The following SLC24A3 variants were observed in gnomAD, a reference collection of about 807,000 sequenced individuals.
SLC24A3 encodes solute carrier family 24 member 3, also known as sodium/potassium/calcium exchanger 3.
In SLC24A3, 28 loss-of-function variants were observed where a neutral mutation model predicts 75.8. The ratio of observed to expected loss-of-function variants is 0.37; its 90% CI spans 0.27 to 0.51. The LOEUF (loss-of-function observed/expected upper bound fraction) is 0.51. Ranked by LOEUF, SLC24A3 falls within the 20% of genes least tolerant of loss-of-function variation. The probability of loss-of-function intolerance (pLI) is 0.94; values close to 1 mark genes in which losing one functional copy is unlikely to be tolerated. For synonymous variants in SLC24A3, 372 were observed against 334.1 expected, an observed-to-expected ratio of 1.11 and a Z score of -1.24; for missense variants, 663 against 847.8, an observed-to-expected ratio of 0.78 and a Z score of 2.71.
intron 3 of SLC24A3, among the ~76,000 whole-genome samples, chr20:19,560,294 G>T (rs1267200423): frequency 6.6e-6 from 1 of 152,218 alleles, no homozygotes; most frequent in African/African-American, 2.4e-5. Context: ...TCCCAAGGAG[G>T]GTGGAGAAGA....
At chr20:19,546,579 T>G (rs6046170) in intron 3 of SLC24A3, among the ~76,000 whole-genome samples, 58,722 of 151,960 alleles carry the variant, frequency 0.39, 12,121 homozygotes, top group Admixed American at 0.49. Context: ...TGTTGACAAC[T>G]GGACAGCATA....
chr20:19,586,818 C>A (rs1376641903), intron 6 of SLC24A3, among the ~76,000 whole-genome samples: 1 of 152,226 alleles, frequency 6.6e-6, no homozygotes, highest in Non-Finnish European at 1.5e-5. Context: ...AAGGGGCTCC[C>A]AGTACATGGT....
intron 2 of SLC24A3, among the ~76,000 whole-genome samples, chr20:19,443,727 G>A (rs998639377): frequency 2.0e-5 from 3 of 152,156 alleles, no homozygotes; most frequent in East Asian, 1.9e-4. Context: ...AGTAGTGAGA[G>A]GAAACATCAT....
intron 2 of SLC24A3, among the ~76,000 whole-genome samples, chr20:19,475,426 A>G (rs1987946994): frequency 6.6e-6 from 1 of 152,162 alleles, no homozygotes; most frequent in Non-Finnish European, 1.5e-5. Flanking sequence ...ATGGATGGCT[A>G]TTGTAAATAC....
chr20:19,475,009 C>G (rs1287315845), intron 2 of SLC24A3, among the ~76,000 whole-genome samples: 1 of 152,120 alleles, frequency 6.6e-6, no homozygotes, highest in African/African-American at 2.4e-5. Context: ...TAACAGTTCA[C>G]AATAGAGGTG....
chr20:19,440,036 G>A (rs567384879), intron 2 of SLC24A3, among the ~76,000 whole-genome samples: 1 of 152,266 alleles, frequency 6.6e-6, no homozygotes, highest in South Asian at 2.1e-4. Context: ...TTCAAATATG[G>A]GAAACAAAAT....
intron 3 of SLC24A3, among the ~76,000 whole-genome samples, chr20:19,557,133 T>C (rs765544883): frequency 1.3e-5 from 2 of 152,170 alleles, no homozygotes; most frequent in Non-Finnish European, 2.9e-5. Context: ...TTACTCCTCC[T>C]GTCATCTTGG....
intron 3 of SLC24A3, among the ~76,000 whole-genome samples, chr20:19,571,425 T>A (rs1283010248): frequency 6.6e-6 from 1 of 152,054 alleles, no homozygotes; most frequent in Non-Finnish European, 1.5e-5. Context: ...AAGTGGATAT[T>A]GTGAAAAAGG....
chr20:19,685,625 G>A (rs1055009738), intron 12 of SLC24A3, among the ~76,000 whole-genome samples: 1 of 152,130 alleles, frequency 6.6e-6, no homozygotes, highest in South Asian at 2.1e-4. Context: ...TCAGGGATTT[G>A]TTCTAGGTCC....
In SLC24A3 at chr20:19,244,683, G is replaced by A. The variant is rs531253955; in HGVS notation, c.142+31699G>A. ...AGTCTTTGAAGGGCTTAAGCAGGAA[G>A]GGAATGACAGGATCAGGTAAGCCTT... On this transcript the variant is annotated intron_variant, in intron 1 of 16. Transcript: ENST00000328041. Among the ~76,000 whole-genome samples, 6 of 152,330 alleles carry A rather than the reference G, an allele frequency of 3.9e-5. No homozygotes were observed. The South Asian group carries it at 1.2e-3, about 32-fold the overall frequency.
intron 7 of SLC24A3, 136 bp downstream of exon 7, chr20:19,654,272 T>C (rs929629188): frequency 4.0e-6 from 3 of 747,594 alleles, no homozygotes; most frequent in African/African-American, 1.7e-5. Flanking sequence ...TGGAGGCAGA[T>C]TTATTTCTTT....
intron 2 of SLC24A3, among the ~76,000 whole-genome samples, chr20:19,401,543 G>A (rs75948326): frequency 5.2e-5 from 2 of 38,318 alleles, no homozygotes; most frequent in Non-Finnish European, 1.1e-4. Flanking sequence ...TACTGAACAA[G>A]GAAAGGTTAA....
intron 2 of SLC24A3, 135 bp downstream of exon 2, chr20:19,281,222 A>C: frequency 1.5e-6 from 2 of 1,327,344 alleles, no homozygotes; most frequent in Non-Finnish European, 2.0e-6. Flanking sequence ...GGAGTCTAAG[A>C]AACTTTCAGG....
At chr20:19,558,645 C>T (rs2030827111) in intron 3 of SLC24A3, among the ~76,000 whole-genome samples, 1 of 152,044 alleles carries the variant, frequency 6.6e-6, no homozygotes, top group South Asian at 2.1e-4. Context: ...CATCTCTTTC[C>T]TCATGATTTT....
chr20:19,339,840 G>A (rs1467786473), intron 2 of SLC24A3, among the ~76,000 whole-genome samples: 1 of 152,270 alleles, frequency 6.6e-6, no homozygotes, highest in East Asian at 1.9e-4. Context: ...TGGGTAGAGA[G>A]AAGAAGGGAG....
At chr20:19,506,952 C>T (rs113416690) in intron 2 of SLC24A3, among the ~76,000 whole-genome samples, 2,084 of 152,302 alleles carry the variant, frequency 0.014, 19 homozygotes, top group Middle Eastern at 0.034. Context: ...CCCTGGAACA[C>T]CCAGCACCTC....
intron 6 of SLC24A3, among the ~76,000 whole-genome samples, chr20:19,632,259 A>G (rs2031943245): frequency 6.6e-6 from 1 of 152,166 alleles, no homozygotes; most frequent in African/African-American, 2.4e-5. Flanking sequence ...ACAAATTACC[A>G]TGAACTTAGT....
intron 1 of SLC24A3, among the ~76,000 whole-genome samples, chr20:19,268,266 G>C (rs2122206277): frequency 6.6e-6 from 1 of 152,208 alleles, no homozygotes; most frequent in Admixed American, 6.5e-5. Context: ...ACTCGGTGCA[G>C]GTGCCATTGT....
chr20:19,462,446 G>T (rs938744439), intron 2 of SLC24A3, among the ~76,000 whole-genome samples: 7 of 152,170 alleles, frequency 4.6e-5, no homozygotes, highest in South Asian at 2.1e-4. Flanking sequence ...GCTCCCAGGG[G>T]CTGCTGTTGC....
Sources: gnomAD v4.1 joint callset for allele counts (sites outside exome capture counted in the v4.1 genomes callset) on GRCh38, gnomAD v4.1.1 for gene constraint, MANE v1.5 for transcripts, NCBI Gene and HGNC (gene_info 2026-07-23, HGNC 2026-07-21) for gene names.